PEBP4: variants seen among roughly 807,000 people sequenced by gnomAD.
PEBP4 encodes the protein phosphatidylethanolamine binding protein 4, also known as phosphatidylethanolamine-binding protein 4.
Under a neutral mutation model 23.9 loss-of-function variants are expected in PEBP4, and 22 were observed. The observed-to-expected ratio is 0.92, with a 90% CI of 0.66 to 1.31. The LOEUF is 1.31. Ranked by LOEUF, PEBP4 falls within the 40% of genes most tolerant of loss-of-function variation. The pLI, the probability that PEBP4 is intolerant of heterozygous loss-of-function variation, is 0.00. For missense variants in PEBP4, 324 were observed against 281.7 expected (o/e 1.15, Z -1.07); for synonymous variants, 112 against 99.3 (o/e 1.13, Z -0.76).
Position 22,746,035 on chromosome 8 carries a change from A to G in PEBP4, c.358-18815T>C, listed in dbSNP as rs1251772394. On this transcript the variant is annotated intron_variant, in intron 4 of 6. Coordinates refer to ENST00000256404, the MANE Select transcript of PEBP4 (RefSeq NM_144962.3). ...AATGGACTGCTCATGTGTCTGTGGA[A>G]TTGAACCAAAGCATTGTCCCCTGGT... 2.0e-5 allele frequency among the ~76,000 whole-genome samples: 3 copies of G among 152,240 alleles called. No individual in the cohort carries two copies. In the East Asian group the frequency reaches 5.8e-4, roughly 29 times the overall value.
At chr8:22,787,133 T>A (rs998807095) in intron 4 of PEBP4, among the ~76,000 whole-genome samples, 1 of 152,218 alleles carries the variant, frequency 6.6e-6, no homozygotes, top group Non-Finnish European at 1.5e-5. Flanking sequence ...TAAGGGCTGG[T>A]CCCTTCTAAT....
At chr8:22,771,761 C>A (rs188041820) in intron 4 of PEBP4, among the ~76,000 whole-genome samples, 37 of 152,364 alleles carry the variant, frequency 2.4e-4, no homozygotes, top group African/African-American at 7.7e-4. Context: ...ATGGCAACAC[C>A]TGGGCGTTAC....
At chr8:22,878,210 T>TGGAGGGGGAGGG (rs1808165825) in intron 3 of PEBP4, 1 of 115,786 alleles carries the variant, frequency 8.6e-6, no homozygotes, top group African/African-American at 3.2e-5. Context: ...AGGGTGAGCA[T>TGGAGGGGGAGGG]GGAGAGGGAG....
At chr8:22,714,502 T>C (rs1035411916) in intron 6 of PEBP4, among the ~76,000 whole-genome samples, 2 of 151,884 alleles carry the variant, frequency 1.3e-5, no homozygotes, top group Admixed American at 1.3e-4. Flanking sequence ...CCGTTGTTTA[T>C]CTGGAATTCA....
chr8:22,864,613 G>A (rs898496245), intron 3 of PEBP4, among the ~76,000 whole-genome samples: 1 of 152,222 alleles, frequency 6.6e-6, no homozygotes, highest in Non-Finnish European at 1.5e-5. Flanking sequence ...AAGTGACTCG[G>A]AGGAAGCGGC....
intron 4 of PEBP4, among the ~76,000 whole-genome samples, chr8:22,755,102 C>T (rs542964404): frequency 6.6e-6 from 1 of 152,316 alleles, no homozygotes; most frequent in South Asian, 2.1e-4. Context: ...TTCGAAACCA[C>T]TCCTGAGTTC....
At chr8:22,931,579 T>TG (rs1809457645), upstream of PEBP4, among the ~76,000 whole-genome samples, 1 of 139,398 alleles carries the variant, frequency 7.2e-6, no homozygotes, top group African/African-American at 2.5e-5. Context: ...AAGCAGTTTT[T>TG]TTTGTTTGTT....
intron 3 of PEBP4, among the ~76,000 whole-genome samples, chr8:22,842,741 C>G (rs568298192): frequency 1.3e-5 from 2 of 152,322 alleles, no homozygotes; most frequent in African/African-American, 2.4e-5. Context: ...TGCACAGGCC[C>G]TGCACTTAGA....
At chr8:22,758,510 C>T (rs541345614) in intron 4 of PEBP4, among the ~76,000 whole-genome samples, 8 of 152,152 alleles carry the variant, frequency 5.3e-5, no homozygotes, top group Non-Finnish European at 8.8e-5. Flanking sequence ...TGCAGGGGGC[C>T]GGTTTACCTG....
At chr8:22,805,671 C>T (rs528615308) in intron 4 of PEBP4, among the ~76,000 whole-genome samples, 8 of 152,306 alleles carry the variant, frequency 5.3e-5, no homozygotes, top group Non-Finnish European at 1.0e-4. Flanking sequence ...ACATACCACT[C>T]TGGTGCCAGA....
intron 1 of PEBP4, among the ~76,000 whole-genome samples, chr8:22,936,937 A>G (rs907271412): frequency 3.9e-5 from 6 of 152,204 alleles, no homozygotes; most frequent in Non-Finnish European, 1.5e-5. Context: ...AGGAAGGGAA[A>G]GAAGCTTCCT....
At chr8:22,857,271 C>CAT (rs1554491958) in intron 3 of PEBP4, among the ~76,000 whole-genome samples, 2,555 of 149,002 alleles carry the variant, frequency 0.017, 38 homozygotes, top group Non-Finnish European at 0.024. Flanking sequence ...CACACACACA[C>CAT]TTACTCACTC....
chr8:22,937,736 T>C (rs1009032893), intron 1 of PEBP4, among the ~76,000 whole-genome samples: 3 of 152,042 alleles, frequency 2.0e-5, no homozygotes, highest in African/African-American at 7.2e-5. Context: ...GACAGATAAA[T>C]AGGCCAACGG....
chr8:22,738,036 G>A (rs1804907673), intron 4 of PEBP4, among the ~76,000 whole-genome samples: 1 of 152,176 alleles, frequency 6.6e-6, no homozygotes, highest in Admixed American at 6.5e-5. Context: ...TCTCCTGGCA[G>A]GGCCAGCCTC....
chr8:22,727,604 C>A (rs148837709), intron 4 of PEBP4, among the ~76,000 whole-genome samples: 87 of 152,248 alleles, frequency 5.7e-4, no homozygotes, highest in African/African-American at 1.1e-3. Context: ...CTGGTCGGAT[C>A]TAAGGGAGGC....
chr8:22,806,818 A>G (rs1215441233), intron 4 of PEBP4, among the ~76,000 whole-genome samples: 4 of 152,132 alleles, frequency 2.6e-5, no homozygotes, highest in South Asian at 4.1e-4. Flanking sequence ...GGTTACCACA[A>G]TTGACTTGTT....
At chr8:22,760,184 C>T (rs1201722373) in intron 4 of PEBP4, among the ~76,000 whole-genome samples, 1 of 152,102 alleles carries the variant, frequency 6.6e-6, no homozygotes, top group Non-Finnish European at 1.5e-5. Flanking sequence ...GATATTCTTA[C>T]CCCCATTTTA....
intron 3 of PEBP4, chr8:22,887,877 C>T (rs755548878): frequency 6.6e-6 from 1 of 152,182 alleles, no homozygotes; most frequent in Non-Finnish European, 1.5e-5. Context: ...CGCATGCACA[C>T]GCTGGGAACA....
At chr8:22,844,270 AC>A (rs1807382294) in intron 3 of PEBP4, among the ~76,000 whole-genome samples, 1 of 152,130 alleles carries the variant, frequency 6.6e-6, no homozygotes, top group Non-Finnish European at 1.5e-5. Context: ...ACAGAGTTTC[AC>A]TTTTGTTGCC....
Sources: allele counts gnomAD v4.1 joint callset (sites outside exome capture counted in the v4.1 genomes callset), GRCh38; gene constraint gnomAD v4.1.1; transcripts MANE v1.5; gene names NCBI Gene and HGNC (gene_info 2026-07-23, HGNC 2026-07-21).